The following DMD variants were observed in gnomAD, a reference collection of about 807,000 sequenced individuals.
DMD encodes the protein mutant dystrophin.
A neutral mutation model predicts 330.1 loss-of-function variants in DMD; 63 were observed. The ratio of observed to expected loss-of-function variants is 0.19; its 90% CI spans 0.16 to 0.24. DMD has a LOEUF of 0.24. Ranked by LOEUF, DMD falls within the 10% of genes least tolerant of loss-of-function variation. DMD has a pLI of 1.00. For synonymous variants in DMD, 1,223 were observed against 959.8 expected (o/e 1.27, Z -5.07); for missense variants, 3,344 against 2,684.1 (o/e 1.25, Z -5.43).
At chrX:32,892,758 T>C (rs1458167777) in intron 2 of DMD, among the ~76,000 whole-genome samples, 1 of 111,648 alleles carries the variant, frequency 9.0e-6, no homozygotes, top group Non-Finnish European at 1.9e-5. Context: ...TCATCCCCTA[T>C]ACTGTATTAC....
intron 2 of DMD, among the ~76,000 whole-genome samples, chrX:32,868,570 G>T (rs1318698740): frequency 1.8e-5 from 2 of 112,251 alleles, no homozygotes; most frequent in African/African-American, 6.5e-5. Context: ...TCAGGTTTGA[G>T]GGAGACTGGA....
chrX:32,919,142 T>G (rs1221280015), intron 2 of DMD, among the ~76,000 whole-genome samples: 1 of 111,781 alleles, frequency 8.9e-6, no homozygotes, highest in Non-Finnish European at 1.9e-5. Context: ...ACTTCTAACT[T>G]AAGACAATGG....
At chrX:32,405,492 G>C (rs1398497676) in intron 30 of DMD, among the ~76,000 whole-genome samples, 1 of 110,185 alleles carries the variant, frequency 9.1e-6, no homozygotes, top group Non-Finnish European at 1.9e-5. Flanking sequence ...ATCTAGAAGA[G>C]TTTTCCCCAT....
chrX:33,032,618 G>T (rs2147861003), intron 1 of DMD, among the ~76,000 whole-genome samples: 1 of 111,942 alleles, frequency 8.9e-6, no homozygotes, highest in Admixed American at 9.5e-5. Flanking sequence ...TTTAAATCTT[G>T]GTCTTTCTCC....
At chrX:32,839,057 T>C (rs1358347703) in intron 4 of DMD, among the ~76,000 whole-genome samples, 1 of 111,811 alleles carries the variant, frequency 8.9e-6, no homozygotes, top group African/African-American at 3.3e-5. Context: ...TTATGACCCA[T>C]TTAATTTCTA....
chrX:32,863,862 G>C (rs1176183912), intron 2 of DMD, among the ~76,000 whole-genome samples: 2 of 112,116 alleles, frequency 1.8e-5, no homozygotes, highest in African/African-American at 3.3e-5. Flanking sequence ...CACCTACTGG[G>C]AAGTCATCCT....
chrX:32,863,142 C>G (rs1384648812), intron 2 of DMD, among the ~76,000 whole-genome samples: 3 of 111,486 alleles, frequency 2.7e-5, no homozygotes, highest in Non-Finnish European at 5.6e-5. Context: ...GGTTGCTTTT[C>G]TGACAGAAAC....
chrX:32,929,926 T>C (rs1197184222), intron 2 of DMD, among the ~76,000 whole-genome samples: 1 of 111,922 alleles, frequency 8.9e-6, no homozygotes, highest in Non-Finnish European at 1.9e-5. Flanking sequence ...TATTCCATGG[T>C]GTATATGTGC....
chrX:31,369,635 C>T (rs2733457), intron 60 of DMD, among the ~76,000 whole-genome samples: 32,291 of 110,017 alleles, frequency 0.29, 4,520 homozygotes, highest in African/African-American at 0.54. Context: ...TAATGAGCTG[C>T]TGGGGACATG....
intron 60 of DMD, among the ~76,000 whole-genome samples, chrX:31,421,803 A>G (rs1054261657): frequency 3.8e-5 from 4 of 105,277 alleles, no homozygotes; most frequent in Admixed American, 1.1e-4. Flanking sequence ...CTATAAATTA[A>G]AGGGTTTGGC....
At chrX:32,300,410 G>C (rs1205629496) in intron 42 of DMD, among the ~76,000 whole-genome samples, 1 of 110,956 alleles carries the variant, frequency 9.0e-6, no homozygotes, top group Admixed American at 9.7e-5. Context: ...TAAGAAAAAA[G>C]TCCTTTATTC....
At chrX:32,838,808 T>C (rs1032041546) in intron 4 of DMD, among the ~76,000 whole-genome samples, 7 of 112,095 alleles carry the variant, frequency 6.2e-5, no homozygotes, top group Admixed American at 9.4e-5. Flanking sequence ...GAAATAGGAA[T>C]GCTTTTACAC....
At chrX:31,231,237 A>G (rs2047167231) in intron 63 of DMD, among the ~76,000 whole-genome samples, 2 of 111,154 alleles carry the variant, frequency 1.8e-5, no homozygotes, top group African/African-American at 6.5e-5. Context: ...GATCTTTTAA[A>G]AATCATTAGT....
chrX:32,333,913 G>A (rs1026018608), intron 41 of DMD, among the ~76,000 whole-genome samples: 6 of 111,793 alleles, frequency 5.4e-5, no homozygotes, highest in Non-Finnish European at 1.1e-4. Flanking sequence ...ACAGAGGGAA[G>A]AGAGGTTCCA....
chrX:31,383,481 T>G (rs1459133498), intron 60 of DMD, among the ~76,000 whole-genome samples: 7 of 112,268 alleles, frequency 6.2e-5, no homozygotes, highest in Non-Finnish European at 1.3e-4. Context: ...CTATTACTAC[T>G]GATAGGGACA....
chrX:32,070,603 G>A (rs1051812909), intron 44 of DMD, among the ~76,000 whole-genome samples: 5 of 110,929 alleles, frequency 4.5e-5, no homozygotes, highest in Non-Finnish European at 7.5e-5. Flanking sequence ...ATGTATGTAC[G>A]TGTGTCTATA....
chrX:33,091,208 A>T (rs1043908566), intron 1 of DMD, among the ~76,000 whole-genome samples: 1 of 111,910 alleles, frequency 8.9e-6, no homozygotes, highest in East Asian at 2.8e-4. Context: ...TTTAAAATTT[A>T]TAGTTTAAAC....
chrX:31,999,452 C>T (rs1395974050), intron 44 of DMD, among the ~76,000 whole-genome samples: 1 of 111,792 alleles, frequency 8.9e-6, no homozygotes, highest in Non-Finnish European at 1.9e-5. Context: ...TTTGGCTAAT[C>T]TTAATCACTG....
chrX:32,825,779 T>C (rs1041625733), intron 4 of DMD, among the ~76,000 whole-genome samples: 11 of 111,342 alleles, frequency 9.9e-5, no homozygotes, highest in African/African-American at 2.6e-4. Context: ...AAATGACAAA[T>C]ATTGTATGAT....
Sources: allele counts gnomAD v4.1 joint callset (sites outside exome capture counted in the v4.1 genomes callset), GRCh38; gene constraint gnomAD v4.1.1; transcripts MANE v1.5; gene names NCBI Gene and HGNC (gene_info 2026-07-23, HGNC 2026-07-21).